The following FUBP3 variants were observed in gnomAD, a reference collection of about 807,000 sequenced individuals.
FUBP3 encodes the protein far upstream element binding protein 3.
FUBP3 carries 28 observed loss-of-function variants against 85.6 expected under a neutral mutation model. That is an observed-to-expected ratio of 0.33 (90% CI 0.24 to 0.45). FUBP3 has a LOEUF of 0.45. Ranked by LOEUF, FUBP3 falls within the 20% of genes least tolerant of loss-of-function variation. FUBP3 has a pLI of 1.00. For missense variants in FUBP3, 583 were observed against 755.1 expected, an observed-to-expected ratio of 0.77 and a Z score of 2.67; for synonymous variants, 271 against 271.4, an observed-to-expected ratio of 1.00 and a Z score of 0.01.
At chr9:130,589,142 G>A (rs1180874795) in intron 1 of FUBP3, among the ~76,000 whole-genome samples, 1 of 152,006 alleles carries the variant, frequency 6.6e-6, no homozygotes, top group African/African-American at 2.4e-5. Flanking sequence ...GGGGCTATGT[G>A]CAACTTTTTA....
intron 2 of FUBP3, among the ~76,000 whole-genome samples, chr9:130,604,980 T>C (rs537096861): frequency 3.3e-5 from 5 of 151,894 alleles, no homozygotes; most frequent in Non-Finnish European, 4.4e-5. Flanking sequence ...TACAGACATA[T>C]TAAAACACAT....
chr9:130,602,015 T>C (rs1341645730), intron 2 of FUBP3, among the ~76,000 whole-genome samples: 1 of 152,004 alleles, frequency 6.6e-6, no homozygotes, highest in Admixed American at 6.6e-5. Flanking sequence ...TTGGCCAGGC[T>C]GGTCTTGAAC....
intron 1 of FUBP3, among the ~76,000 whole-genome samples, chr9:130,591,918 A>G (rs879645267): frequency 2.0e-5 from 3 of 152,218 alleles, no homozygotes; most frequent in Non-Finnish European, 2.9e-5. Flanking sequence ...ACTCAGGAAT[A>G]CAGTTTAGCT....
intron 1 of FUBP3, among the ~76,000 whole-genome samples, chr9:130,591,851 G>A (rs1830639985): frequency 6.6e-6 from 1 of 152,150 alleles, no homozygotes; most frequent in East Asian, 1.9e-4. Flanking sequence ...TTATCATGGC[G>A]GCTTTGGAGG....
intron 2 of FUBP3, among the ~76,000 whole-genome samples, chr9:130,609,118 G>A (rs1376136512): frequency 6.6e-6 from 1 of 152,162 alleles, no homozygotes; most frequent in Non-Finnish European, 1.5e-5. Flanking sequence ...TGCTGACTGT[G>A]TTTCCTGAGC....
In FUBP3 at chr9:130,631,926, T is replaced by C; in HGVS notation, c.1353-16T>C. 1 of 1,596,388 alleles carries C rather than the reference T, an allele frequency of 6.3e-7. No homozygotes were observed. Among genetic ancestry groups the C allele is most frequent in the Non-Finnish European group, 8.6e-7 (1 of 1,163,796 alleles). ...TGTGAGGCGCTCAGTCTGTTGTTTC[T>C]TTTACCTTTTCCCAGTACCTTTCCT... is the stretch of plus-strand genomic sequence containing the variant. On this transcript the variant is annotated splice_polypyrimidine_tract_variant and intron_variant, in intron 14 of 18. Coordinates refer to ENST00000319725, the MANE Select transcript of FUBP3 (RefSeq NM_003934.2).
At chr9:130,625,733 C>T (rs12002232) in intron 11 of FUBP3, among the ~76,000 whole-genome samples, 32,549 of 152,156 alleles carry the variant, frequency 0.21, 3,971 homozygotes, top group African/African-American at 0.33. Context: ...TCCAGCCCCA[C>T]ATGGGGAGGA....
In FUBP3 at chr9:130,624,497, A is replaced by G. The variant is rs183889908; in HGVS notation, c.975+786A>G. Among the ~76,000 whole-genome samples the G allele has an allele frequency of 7.6e-3, 1,165 of 152,346 alleles. 10 individuals are homozygous for G. The highest frequency in any genetic ancestry group is 0.013 in the Non-Finnish European group (893 of 68,028). On this transcript the variant is annotated intron_variant, in intron 11 of 18. Transcript: ENST00000319725. ...AATTCTTAAGATTAGACAAGTTTAT[A>G]AAACGGCCACTAAATCAAGCTCGTT...
chr9:130,583,478 G>A (rs1032599108), intron 1 of FUBP3, among the ~76,000 whole-genome samples: 5 of 152,306 alleles, frequency 3.3e-5, no homozygotes, highest in South Asian at 2.1e-4. Flanking sequence ...TTTGACTCCC[G>A]GCTCAGTCAA....
At chr9:130,599,996 C>T (rs1831072132) in intron 2 of FUBP3, among the ~76,000 whole-genome samples, 1 of 152,162 alleles carries the variant, frequency 6.6e-6, no homozygotes, top group Admixed American at 6.5e-5. Flanking sequence ...GCTCAGCCAA[C>T]TTCTTCCTAG....
At chr9:130,588,568 C>T (rs1164854029) in intron 1 of FUBP3, among the ~76,000 whole-genome samples, 1 of 152,074 alleles carries the variant, frequency 6.6e-6, no homozygotes, top group Non-Finnish European at 1.5e-5. Flanking sequence ...TACTGTGCAC[C>T]CGGCATTGTT....
At chr9:130,595,295 GTTA>G (rs1232985107) in intron 1 of FUBP3, among the ~76,000 whole-genome samples, 185 bp from the exon 2 acceptor site, 1 of 150,496 alleles carries the variant, frequency 6.6e-6, no homozygotes, top group Non-Finnish European at 1.5e-5. Context: ...CTAAAGACAA[GTTA>G]TTATTAAGAC....
At chr9:130,583,505 A>G (rs966294895) in intron 1 of FUBP3, among the ~76,000 whole-genome samples, 7 of 152,242 alleles carry the variant, frequency 4.6e-5, no homozygotes, top group African/African-American at 9.6e-5. Context: ...TGAACACTCA[A>G]GAGATCTAAG....
intron 2 of FUBP3, among the ~76,000 whole-genome samples, chr9:130,609,344 A>C (rs1361173451): frequency 6.7e-6 from 1 of 150,258 alleles, no homozygotes; most frequent in African/African-American, 2.5e-5. Context: ...GCTCATTCTT[A>C]GTGTCCGCTG....
intron 1 of FUBP3, among the ~76,000 whole-genome samples, chr9:130,593,258 C>T (rs1830714610): frequency 6.6e-6 from 1 of 152,160 alleles, no homozygotes; most frequent in African/African-American, 2.4e-5. Context: ...CTGAAATGAT[C>T]AGTTTATTGA....
At chr9:130,587,207 G>T (rs572784414) in intron 1 of FUBP3, among the ~76,000 whole-genome samples, 4 of 152,120 alleles carry the variant, frequency 2.6e-5, no homozygotes, top group African/African-American at 9.6e-5. Context: ...TGGGACTGCA[G>T]GCGTGCACCA....
At chr9:130,626,935 G>GT (rs1241229867) in intron 12 of FUBP3, among the ~76,000 whole-genome samples, 7 of 152,192 alleles carry the variant, frequency 4.6e-5, no homozygotes, top group African/African-American at 1.7e-4. Flanking sequence ...CCAGGTTTGA[G>GT]TATTTGGTCT....
In FUBP3 at chr9:130,626,461, C is replaced by T. The variant is rs751773806; in HGVS notation, c.1073C>T (p.Thr358Ile). Reference protein sequence around the residue: ...VGAPGGVQEITYTVPADKCGL... With the variant: ...VGAPGGVQEIIYTVPADKCGL... ...GCCCCTGGTGGCGTCCAGGAGATAA[C>T]ATACACGGTGCCAGCCGATAAGTGT... Residue 358 changes from threonine (T) to isoleucine (I), a missense_variant, in exon 12 of 19, where the codon ACA becomes ATA. This residue lies in a region of FUBP3 where 404 missense variants were observed against 516.8 expected (regional missense o/e 0.78). Coordinates refer to ENST00000319725, the MANE Select transcript of FUBP3 (RefSeq NM_003934.2). 6 of 1,614,148 alleles carry T rather than the reference C, an allele frequency of 3.7e-6. No homozygotes were observed. The highest frequency in any genetic ancestry group is 5.1e-6 in the Non-Finnish European group (6 of 1,180,030).
chr9:130,622,509 G>A (rs763086723), intron 9 of FUBP3, among the ~76,000 whole-genome samples, 199 bp from the exon 10 acceptor site: 1 of 151,444 alleles, frequency 6.6e-6, no homozygotes, highest in Non-Finnish European at 1.5e-5. Flanking sequence ...GCCTGTGCCT[G>A]TTTTCTCAGC....
Sources: gnomAD v4.1 joint callset for allele counts (sites outside exome capture counted in the v4.1 genomes callset) on GRCh38, gnomAD v4.1.1 for gene constraint, gnomAD v4.1.1 regional missense constraint, MANE v1.5 for transcripts, NCBI Gene and HGNC (gene_info 2026-07-23, HGNC 2026-07-21) for gene names.